Variants in ATP13A4 observed in about 807,000 individuals in gnomAD.
ATP13A4 encodes the protein probable cation-transporting ATPase 13A4.
In ATP13A4, 114 loss-of-function variants were observed where a neutral mutation model predicts 142.5. That is an observed-to-expected ratio of 0.80 (90% CI 0.69 to 0.93). The LOEUF is 0.93. Ranked by LOEUF, ATP13A4 falls within the 40% of genes least tolerant of loss-of-function variation. The pLI is 0.00. For synonymous variants in ATP13A4, 488 were observed against 514.8 expected (o/e 0.95, Z 0.70); for missense variants, 1,392 against 1,454.0 (o/e 0.96, Z 0.69).
intron 23 of ATP13A4, 73 bp downstream of exon 23, chr3:193,438,402 C>T (rs1273414376): frequency 2.3e-6 from 3 of 1,291,928 alleles, no homozygotes; most frequent in Admixed American, 3.5e-5. Context: ...TCTAGTCTTT[C>T]CCAGGCAGAA....
At chr3:193,482,566 T>A (rs1326031719) in intron 8 of ATP13A4, among the ~76,000 whole-genome samples, 2 of 152,152 alleles carry the variant, frequency 1.3e-5, no homozygotes, top group Non-Finnish European at 2.9e-5. Context: ...TCAATTTTAA[T>A]AATAAAAATA....
At chr3:193,509,916 T>C (rs981978889) in intron 2 of ATP13A4, among the ~76,000 whole-genome samples, 6 of 152,248 alleles carry the variant, frequency 3.9e-5, no homozygotes, top group African/African-American at 1.4e-4. Flanking sequence ...CTCATAGTTA[T>C]ATTCCCAGTG....
chr3:193,404,062 C>A, intron 29 of ATP13A4: 10 of 985,368 alleles, frequency 1.0e-5, no homozygotes, highest in Non-Finnish European at 1.2e-5. Flanking sequence ...TCCATATAAC[C>A]GTCTCAGCCT....
intron 1 of ATP13A4, among the ~76,000 whole-genome samples, chr3:193,521,963 GA>G (rs367975231): frequency 4.1e-5 from 6 of 146,444 alleles, no homozygotes; most frequent in South Asian, 2.2e-4. Context: ...TAGAAAAATA[GA>G]AAAAAAAAAC....
intron 25 of ATP13A4, 30 bp downstream of exon 25, chr3:193,433,815 C>T: frequency 6.4e-7 from 1 of 1,567,152 alleles, no homozygotes; most frequent in Middle Eastern, 1.7e-4. Context: ...AGGGTAGCAC[C>T]TCTGGTAAGA....
At chr3:193,580,534 A>G (rs1161561168) in intron 2 of ATP13A4, among the ~76,000 whole-genome samples, 1 of 152,206 alleles carries the variant, frequency 6.6e-6, no homozygotes, top group Admixed American at 6.5e-5. Context: ...CTAGCAAGCT[A>G]GTATACGTAC....
At chr3:193,418,417 C>G (rs1340110183) in intron 25 of ATP13A4, among the ~76,000 whole-genome samples, 2 of 149,502 alleles carry the variant, frequency 1.3e-5, no homozygotes, top group Non-Finnish European at 2.9e-5. Context: ...CAAAACAACA[C>G]TATATTTTGA....
At chr3:193,527,027 C>T (rs150784390) in intron 1 of ATP13A4, among the ~76,000 whole-genome samples, 179 of 152,246 alleles carry the variant, frequency 1.2e-3, no homozygotes, top group African/African-American at 4.2e-3. Flanking sequence ...TCATATGAGT[C>T]CTTGGACCCA....
At chr3:193,441,982 G>T (rs748003593) in intron 19 of ATP13A4, among the ~76,000 whole-genome samples, 1 of 152,098 alleles carries the variant, frequency 6.6e-6, no homozygotes, top group Non-Finnish European at 1.5e-5. Context: ...ATACTGACAA[G>T]ACTGGAGATA....
At position 193,411,087 on chromosome 3, in the gene ATP13A4, A is replaced by G. The variant is rs1714742420; in HGVS notation, c.3209-17T>C. The G allele has an allele frequency of 6.6e-7, 1 of 1,520,194 alleles. No homozygotes were observed. The highest frequency in any genetic ancestry group is 2.3e-5 in the East Asian group (1 of 44,312). 94.2% of individuals were successfully genotyped at this position (1,520,194 alleles called of 1,614,324 possible). A position where few individuals can be genotyped will look rare whatever the true frequency, so the allele number is the denominator to read the frequency against. ...CAAATATATCTGAGGAAATAAGAAC[A>G]CAAGGTATTATTTTGAGAAATCAGA... On this transcript the variant is annotated splice_polypyrimidine_tract_variant and intron_variant, in intron 27 of 29. Coordinates refer to ENST00000342695, the MANE Select transcript of ATP13A4 (RefSeq NM_032279.4).
chr3:193,414,637 G>T lies in ATP13A4; in HGVS notation c.2956C>A (p.His986Asn), dbSNP rs375215417. The T allele has an allele frequency of 1.6e-5, 26 of 1,614,090 alleles. No individual in the cohort carries two copies. The highest frequency in any genetic ancestry group is 2.2e-5 in the Non-Finnish European group (26 of 1,179,968). Residue 986 changes from histidine to asparagine, a missense_variant, in exon 26 of 30, where the codon CAT (histidine) becomes AAT (asparagine). Coordinates refer to ENST00000342695, the MANE Select transcript of ATP13A4 (RefSeq NM_032279.4). ...IFNILLSLAM[H>N]IAGFILVQRQ... ...TGAACCAGGATGAAGCCTGCAATATGCATGGCCAGGCTGAGAAGAATGTTG... is the reference window on the plus strand; with the variant it reads ...TGAACCAGGATGAAGCCTGCAATATTCATGGCCAGGCTGAGAAGAATGTTG...
At chr3:193,528,194 C>T (rs775844394) in intron 1 of ATP13A4, among the ~76,000 whole-genome samples, 4 of 152,360 alleles carry the variant, frequency 2.6e-5, no homozygotes, top group Middle Eastern at 3.4e-3. Context: ...GAGCATGTCA[C>T]ATGCGAGAAC....
intron 29 of ATP13A4, among the ~76,000 whole-genome samples, chr3:193,405,841 C>T (rs1171895679): frequency 3.9e-5 from 6 of 152,132 alleles, no homozygotes; most frequent in African/African-American, 7.2e-5. Context: ...CTTTAATATG[C>T]GGAAATGGAG....
chr3:193,453,310 T>C (rs1167441134), intron 17 of ATP13A4, among the ~76,000 whole-genome samples: 1 of 152,254 alleles, frequency 6.6e-6, no homozygotes, highest in Non-Finnish European at 1.5e-5. Context: ...GTGTTGACTC[T>C]GATTAGATTG....
At chr3:193,557,018 C>T (rs1051906745), upstream of ATP13A4, among the ~76,000 whole-genome samples, 1 of 152,068 alleles carries the variant, frequency 6.6e-6, no homozygotes, top group Non-Finnish European at 1.5e-5. Flanking sequence ...TTGCAGTTTC[C>T]TTTTGGCTGG....
chr3:193,481,949 G>A (rs1719319195), intron 8 of ATP13A4, among the ~76,000 whole-genome samples: 1 of 152,050 alleles, frequency 6.6e-6, no homozygotes, highest in Admixed American at 6.6e-5. Flanking sequence ...AAATTGACAG[G>A]TTGTGTTCAA....
chr3:193,426,540 C>T (rs1715677001), intron 25 of ATP13A4, among the ~76,000 whole-genome samples: 1 of 151,542 alleles, frequency 6.6e-6, no homozygotes, highest in African/African-American at 2.4e-5. Context: ...TATAAGAGTC[C>T]CTAAATCGTT....
intron 14 of ATP13A4, among the ~76,000 whole-genome samples, chr3:193,458,118 T>C (rs147700036): frequency 2.3e-3 from 355 of 152,258 alleles, no homozygotes; most frequent in Non-Finnish European, 3.1e-3. Flanking sequence ...TTATATTAGA[T>C]TGCTATGAAA....
chr3:193,554,761 A>C lies in ATP13A4; in HGVS notation c.39T>G (p.Asn13Lys). 1 of 1,613,760 alleles carries C rather than the reference A, an allele frequency of 6.2e-7. No individual in the cohort carries two copies. The highest frequency in any genetic ancestry group is 8.5e-7 in the Non-Finnish European group (1 of 1,179,982). The change falls in exon 1 of 30, where the codon AAT becomes AAG. Residue 13 changes from asparagine to lysine, a missense_variant. Transcript: ENST00000342695. ...HFEKGQHALL[N>K]EGEENEMEIF... ...TTACCATCTCATTCTCTTCTCCTTC[A>C]TTGAGCAGAGCGTGCTGGCCCTTCT...
Sources: allele counts gnomAD v4.1 joint callset (sites outside exome capture counted in the v4.1 genomes callset), GRCh38; gene constraint gnomAD v4.1.1; transcripts MANE v1.5; gene names NCBI Gene and HGNC (gene_info 2026-07-23, HGNC 2026-07-21).